ALDH7A1: variants seen among roughly 807,000 people sequenced by gnomAD.
The protein encoded by ALDH7A1 is alpha-aminoadipic semialdehyde dehydrogenase.
A neutral mutation model predicts 79.9 loss-of-function variants in ALDH7A1; 63 were observed. The ratio of observed to expected loss-of-function variants is 0.79; its 90% confidence interval spans 0.64 to 0.97. The LOEUF is 0.97. ALDH7A1 is among the 50% of genes least tolerant of loss of function. ALDH7A1 has a pLI of 0.00. For missense variants in ALDH7A1, 627 were observed against 665.2 expected (o/e 0.94, Z 0.63); for synonymous variants, 240 against 231.2 (o/e 1.04, Z -0.34).
intron 10 of ALDH7A1, 95 bp downstream of exon 10, chr5:126,560,988 T>G: frequency 7.2e-7 from 1 of 1,395,588 alleles, no homozygotes; most frequent in Non-Finnish European, 1.0e-6. Context: ...ATATGCAACA[T>G]GGACGAAATG....
intron 11 of ALDH7A1, among the ~76,000 whole-genome samples, chr5:126,558,039 G>A (rs1288787302): frequency 6.6e-5 from 10 of 151,634 alleles, no homozygotes; most frequent in African/African-American, 9.7e-5. Flanking sequence ...AGGGTGGCAC[G>A]TGCCTGTAGT....
intron 7 of ALDH7A1, chr5:126,571,155 T>A: frequency 1.6e-5 from 3 of 182,402 alleles, no homozygotes; most frequent in Non-Finnish European, 2.8e-5. Flanking sequence ...AGCAGATTTT[T>A]TTTTTTTTTT....
At chr5:126,575,335 G>T in intron 7 of ALDH7A1, 85 bp downstream of exon 7, 1 of 1,290,260 alleles carries the variant, frequency 7.8e-7, no homozygotes, top group Non-Finnish European at 1.1e-6. Context: ...ATGTGACTCT[G>T]ACATCAGATT....
intron 7 of ALDH7A1, 82 bp downstream of exon 7, chr5:126,575,338 A>T: frequency 4.5e-6 from 6 of 1,321,644 alleles, no homozygotes; most frequent in Non-Finnish European, 6.4e-6. Context: ...TGACTCTGAC[A>T]TCAGATTAAA....
chr5:126,546,808 T>C (rs1191661397), intron 16 of ALDH7A1, among the ~76,000 whole-genome samples: 1 of 152,166 alleles, frequency 6.6e-6, no homozygotes, highest in African/African-American at 2.4e-5. Flanking sequence ...ATAACTTGTA[T>C]TAAATTATCA....
chr5:126,554,366 G>C lies in ALDH7A1; in HGVS notation c.1121C>G (p.Thr374Ser). The C allele has an allele frequency of 1.2e-6, 2 of 1,614,104 alleles. No individual in the cohort carries two copies. Among genetic ancestry groups the C allele is most frequent in the Non-Finnish European group, 8.5e-7 (1 of 1,180,030 alleles). ...AAGAAACATGCTCACTGCCTGCTTG[G>C]TGTGGAGTGGCCCATAGAGAACATT... ...DPNVLYGPLH[T>S]KQAVSMFLGA... Residue 374 changes from threonine (T) to serine (S), a missense_variant, in exon 13 of 18, where the codon ACC (threonine) becomes AGC (serine). Thr to Ser is a moderately conservative substitution (Grantham distance 58, BLOSUM62 1). Coordinates refer to ENST00000409134, the MANE Select transcript of ALDH7A1 (RefSeq NM_001182.5).
chr5:126,568,974 T>C (rs562169067), intron 8 of ALDH7A1: 1 of 154,452 alleles, frequency 6.5e-6, no homozygotes, highest in South Asian at 2.0e-4. Context: ...TAAAAGCCTG[T>C]AGGGAAATAT....
chr5:126,594,438 A>ATTTTTTTTTTT (rs34684581), intron 1 of ALDH7A1: 1 of 178,562 alleles, frequency 5.6e-6, no homozygotes, highest in African/African-American at 3.3e-5. Context: ...TAAGGTTTTA[A>ATTTTTTTTTTT]TTTTTTTTTT....
chr5:126,564,831 G>A (rs1282554006), intron 9 of ALDH7A1, among the ~76,000 whole-genome samples: 1 of 152,100 alleles, frequency 6.6e-6, no homozygotes, highest in Admixed American at 6.5e-5. Flanking sequence ...GAAGAGGAGG[G>A]ATCTATACTT....
intron 6 of ALDH7A1, 83 bp from the exon 7 acceptor site, chr5:126,575,547 A>G: frequency 7.8e-7 from 1 of 1,274,958 alleles, no homozygotes; most frequent in South Asian, 1.3e-5. Context: ...AAACAGAAGC[A>G]AAAGTGTGAG....
chr5:126,570,648 T>G, intron 8 of ALDH7A1, 134 bp downstream of exon 8: 1 of 871,990 alleles, frequency 1.1e-6, no homozygotes, highest in East Asian at 2.4e-5. Flanking sequence ...CCCAACAAAG[T>G]CCATAATAAT....
intron 12 of ALDH7A1, among the ~76,000 whole-genome samples, chr5:126,555,662 G>A (rs1243436269): frequency 2.6e-5 from 4 of 152,004 alleles, no homozygotes; most frequent in African/African-American, 4.8e-5. Flanking sequence ...GGATGGTGTC[G>A]GCTTGGACAA....
In ALDH7A1 at chr5:126,582,965, C is replaced by A; in HGVS notation, c.403G>T (p.Glu135Ter). 6.2e-7 allele frequency: 1 copy of A among 1,613,996 alleles called. No individual in the cohort carries two copies. Among genetic ancestry groups the A allele is most frequent in the Non-Finnish European group, 8.5e-7 (1 of 1,179,968 alleles). ...CCTTCCACTAAGATTTTCCCCATCT[C>A]CAAAGACACCTAGAAATATAAAACG... The part of the protein sequence containing the change: ...IQVLGSLVSL[E>*]MGKILVEGVG... Residue 135 changes from glutamate to a stop codon, truncating the protein, a stop_gained, in exon 5 of 18, where the codon GAG becomes TAG. Transcript: ENST00000409134. LOFTEE classifies it high-confidence loss of function.
At position 126,555,971 on chromosome 5, in the gene ALDH7A1, T is replaced by G; in HGVS notation, c.1053A>C (p.Lys351Asn). The change falls in exon 12 of 18, where the codon AAA becomes AAC. Residue 351 changes from lysine to asparagine, a missense_variant. By Grantham distance (94) the Lys-to-Asn change is moderately conservative. Coordinates refer to ENST00000409134, the MANE Select transcript of ALDH7A1 (RefSeq NM_001182.5). Reference protein sequence around the residue: ...SIHDEVVNRLKKAYAQIRVGN... With the variant: ...SIHDEVVNRLNKAYAQIRVGN... ...CAACTCGGATCTGTGCATAGGCCTT[T>G]TTAAGTCTGTTTACAACCTCATCAT... The G allele has an allele frequency of 6.2e-7, 1 of 1,613,652 alleles. No individual in the cohort carries two copies. The highest frequency in any genetic ancestry group is 8.5e-7 in the Non-Finnish European group (1 of 1,179,716).
intron 7 of ALDH7A1, among the ~76,000 whole-genome samples, chr5:126,575,074 A>C (rs1390633336): frequency 6.6e-6 from 1 of 152,250 alleles, no homozygotes; most frequent in Non-Finnish European, 1.5e-5. Context: ...AGCTAGATAG[A>C]AATCTATTCT....
chr5:126,550,885 T>C (rs1402894139), intron 14 of ALDH7A1, among the ~76,000 whole-genome samples: 3 of 152,254 alleles, frequency 2.0e-5, no homozygotes, highest in African/African-American at 4.8e-5. Flanking sequence ...CATTCAAATA[T>C]TGATTCAATC....
intron 8 of ALDH7A1, chr5:126,569,462 C>T (rs1485337719): frequency 6.6e-6 from 1 of 152,192 alleles, no homozygotes; most frequent in Non-Finnish European, 1.5e-5. Flanking sequence ...TTCAGTGCTA[C>T]AAAGGGTCCA....
intron 3 of ALDH7A1, chr5:126,587,765 G>A (rs371975868): frequency 6.6e-6 from 1 of 152,080 alleles, no homozygotes; most frequent in Non-Finnish European, 1.5e-5. Flanking sequence ...AGGGAGGATC[G>A]AGATGGGAAA....
intron 6 of ALDH7A1, among the ~76,000 whole-genome samples, chr5:126,576,176 T>C (rs1441903669): frequency 6.9e-6 from 1 of 145,706 alleles, no homozygotes; most frequent in Non-Finnish European, 1.5e-5. Context: ...GGCAGGAGAA[T>C]GGCGTGAACC....
Sources: gnomAD v4.1 joint callset for allele counts (sites outside exome capture counted in the v4.1 genomes callset) on GRCh38, gnomAD v4.1.1 for gene constraint, MANE v1.5 for transcripts, NCBI Gene and HGNC (gene_info 2026-07-23, HGNC 2026-07-21) for gene names.